SLC14A2: variants seen among roughly 807,000 people sequenced by gnomAD.
SLC14A2 encodes the protein urea transporter 2.
In SLC14A2, 91 loss-of-function variants were observed where a neutral mutation model predicts 104.6. The observed-to-expected ratio is 0.87, with a 90% CI of 0.73 to 1.04. The LOEUF (loss-of-function observed/expected upper bound fraction) is 1.04, where lower values mean the gene tolerates loss of function less well. Ranked by LOEUF, SLC14A2 falls within the 50% of genes least tolerant of loss-of-function variation. The pLI, the probability that SLC14A2 is intolerant of heterozygous loss-of-function variation, is 0.00. For missense variants in SLC14A2, 1,189 were observed against 1,156.0 expected (o/e 1.03, Z -0.41); for synonymous variants, 476 against 466.4 (o/e 1.02, Z -0.27).
chr18:45,195,925 G>A, the SLC14A2 span, among the ~76,000 whole-genome samples: 11 of 152,050 alleles, frequency 7.2e-5, no homozygotes, highest in African/African-American at 1.7e-4. Flanking sequence ...AGAAAAATTC[G>A]TGAATCGGGC....
intron 2 of SLC14A2, among the ~76,000 whole-genome samples, chr18:45,590,044 A>G (rs928456129): frequency 2.0e-5 from 3 of 152,218 alleles, no homozygotes; most frequent in Non-Finnish European, 2.9e-5. Flanking sequence ...TGACCACTTT[A>G]GCTGCTGGGA....
At chr18:45,681,480 C>T (rs1464329387) in intron 19 of SLC14A2, among the ~76,000 whole-genome samples, 1 of 152,188 alleles carries the variant, frequency 6.6e-6, no homozygotes, top group Non-Finnish European at 1.5e-5. Context: ...CAAGCTATCT[C>T]AAATGAAGAG....
At chr18:45,644,640 AGGAATT>A (rs2045588444) in intron 10 of SLC14A2, among the ~76,000 whole-genome samples, 1 of 152,126 alleles carries the variant, frequency 6.6e-6, no homozygotes, top group South Asian at 2.1e-4. Flanking sequence ...CCACAAAGAG[AGGAATT>A]TCACACTGAT....
chr18:45,367,629 C>A (rs2085679534), intron 1 of SLC14A2, among the ~76,000 whole-genome samples: 1 of 152,186 alleles, frequency 6.6e-6, no homozygotes, highest in South Asian at 2.1e-4. Flanking sequence ...CATACCAAGC[C>A]AGTTGTGAAC....
the SLC14A2 span, among the ~76,000 whole-genome samples, chr18:45,206,205 T>G: frequency 6.6e-6 from 1 of 152,170 alleles, no homozygotes; most frequent in African/African-American, 2.4e-5. Flanking sequence ...TCACGTAGTG[T>G]TCCATGTAGC....
chr18:45,666,836 AT>A, intron 12 of SLC14A2, 98 bp from the exon 13 acceptor site: 1 of 994,514 alleles, frequency 1.0e-6, no homozygotes, highest in Non-Finnish European at 1.5e-6. Flanking sequence ...GAAATACCAA[AT>A]GACAATCTTA....
At chr18:45,197,346 T>TTAG in the SLC14A2 span, among the ~76,000 whole-genome samples, 1 of 152,218 alleles carries the variant, frequency 6.6e-6, no homozygotes, top group Non-Finnish European at 1.5e-5. Flanking sequence ...AGACCTTCTA[T>TTAG]GTTCAGATTT....
chr18:45,373,342 T>G (rs887864582), intron 1 of SLC14A2, among the ~76,000 whole-genome samples: 1 of 152,226 alleles, frequency 6.6e-6, no homozygotes, highest in Non-Finnish European at 1.5e-5. Context: ...GATGTTAGAT[T>G]AGCTGACTTC....
At chr18:45,364,428 A>T (rs9957020) in intron 1 of SLC14A2, among the ~76,000 whole-genome samples, 7 of 152,042 alleles carry the variant, frequency 4.6e-5, no homozygotes, top group African/African-American at 1.7e-4. Flanking sequence ...TCACTGTGAG[A>T]GTAGAAGAGA....
intron 2 of SLC14A2, among the ~76,000 whole-genome samples, chr18:45,537,116 C>T (rs527793371): frequency 1.5e-4 from 22 of 144,146 alleles, no homozygotes; most frequent in African/African-American, 5.6e-4. Context: ...CCATTATTTG[C>T]CAGGCACATT....
chr18:45,641,448 CAGAA>C (rs752412390), intron 8 of SLC14A2, 105 bp downstream of exon 8: 110 of 1,323,964 alleles, frequency 8.3e-5, no homozygotes, highest in Non-Finnish European at 9.9e-5. Flanking sequence ...TCAGCAGTGA[CAGAA>C]AGGCCAATGG....
intron 1 of SLC14A2, among the ~76,000 whole-genome samples, chr18:45,622,257 C>A (rs1205831256): frequency 6.6e-6 from 1 of 152,122 alleles, no homozygotes. Context: ...AACGTGAAGG[C>A]ATATTTTTTA....
intron 1 of SLC14A2, among the ~76,000 whole-genome samples, chr18:45,256,324 T>C (rs755758560): frequency 6.6e-6 from 1 of 152,180 alleles, no homozygotes; most frequent in Admixed American, 6.5e-5. Context: ...CAAAGCTAAA[T>C]TGTGGGGAAA....
chr18:45,563,766 A>G (rs140761955), intron 2 of SLC14A2, among the ~76,000 whole-genome samples: 15 of 152,380 alleles, frequency 9.8e-5, no homozygotes, highest in African/African-American at 2.9e-4. Flanking sequence ...AATTCCGTCT[A>G]TCTTCTAACA....
At chr18:45,599,109 C>G (rs1024859576) in intron 2 of SLC14A2, among the ~76,000 whole-genome samples, 1 of 152,106 alleles carries the variant, frequency 6.6e-6, no homozygotes, top group Non-Finnish European at 1.5e-5. Flanking sequence ...TAAATATAAA[C>G]AAGTCTATAA....
At chr18:45,399,622 G>T (rs1417078660) in intron 1 of SLC14A2, among the ~76,000 whole-genome samples, 1 of 152,064 alleles carries the variant, frequency 6.6e-6, no homozygotes, top group African/African-American at 2.4e-5. Context: ...TTCTGTTTTA[G>T]GGTTGTAGGG....
intron 1 of SLC14A2, among the ~76,000 whole-genome samples, chr18:45,386,489 C>G (rs1229156219): frequency 1.3e-5 from 2 of 152,176 alleles, no homozygotes; most frequent in African/African-American, 4.8e-5. Flanking sequence ...CAAGCATTCC[C>G]TCTGTACCTG....
intron 2 of SLC14A2, among the ~76,000 whole-genome samples, chr18:45,524,392 G>C (rs921673060): frequency 2.6e-5 from 4 of 152,202 alleles, no homozygotes; most frequent in Non-Finnish European, 4.4e-5. Context: ...TGAAGACCCA[G>C]TAGGGTGTGA....
intron 1 of SLC14A2, among the ~76,000 whole-genome samples, chr18:45,377,777 G>C (rs1237935156): frequency 6.6e-6 from 1 of 151,988 alleles, no homozygotes; most frequent in Non-Finnish European, 1.5e-5. Flanking sequence ...CCTCTTCTCT[G>C]GGTGACAGCC....
Sources: gnomAD v4.1 joint callset for allele counts (sites outside exome capture counted in the v4.1 genomes callset) on GRCh38, gnomAD v4.1.1 for gene constraint, MANE v1.5 for transcripts, NCBI Gene and HGNC (gene_info 2026-07-23, HGNC 2026-07-21) for gene names.